NPLOC4: variants seen among roughly 807,000 people sequenced by gnomAD.
NPLOC4 encodes nuclear protein localization protein 4 homolog.
A neutral mutation model predicts 80.6 loss-of-function variants in NPLOC4; 18 were observed. The ratio of observed to expected loss-of-function variants is 0.22; its 90% CI spans 0.15 to 0.33. The LOEUF is 0.33. NPLOC4 is among the 10% of genes least tolerant of loss of function. The pLI is 1.00. For missense variants in NPLOC4, 540 were observed against 786.1 expected (o/e 0.69, Z 3.74); for synonymous variants, 313 against 301.5 (o/e 1.04, Z -0.39).
chr17:81,608,428 T>G (rs1005868480), intron 6 of NPLOC4, among the ~76,000 whole-genome samples: 1 of 152,138 alleles, frequency 6.6e-6, no homozygotes, highest in Non-Finnish European at 1.5e-5. Context: ...AGAACCAGGT[T>G]GGCCAGGCGA....
At chr17:81,617,940 G>T (rs2144276037) in intron 3 of NPLOC4, among the ~76,000 whole-genome samples, 1 of 152,316 alleles carries the variant, frequency 6.6e-6, no homozygotes, top group East Asian at 1.9e-4. Flanking sequence ...ATTGCAGACG[G>T]AGTCTCGTTC....
chr17:81,585,494 T>C (rs541863085), intron 12 of NPLOC4, among the ~76,000 whole-genome samples: 16 of 151,830 alleles, frequency 1.1e-4, no homozygotes, highest in African/African-American at 3.9e-4. Context: ...AAATCCAATC[T>C]CTACTAAAAA....
Position 81,569,053 on chromosome 17 carries a change from A to T in NPLOC4, c.1412T>A (p.Phe471Tyr), listed in dbSNP as rs765400142. Residue 471 changes from phenylalanine (F) to tyrosine (Y), a missense_variant, in exon 14 of 17, where the codon TTT becomes TAT. Transcript: ENST00000331134. ...VYTFSISQNP[F>Y]PIENRDVLGE... ...CAATACATCCCGGTTTTCAATAGGA[A>T]ATGGATTTTGCGAAATAGAAAAAGT... The T allele has an allele frequency of 1.2e-6, 2 of 1,613,292 alleles. No homozygotes were observed. Among genetic ancestry groups the T allele is most frequent in the Non-Finnish European group, 1.7e-6 (2 of 1,179,220 alleles).
intron 4 of NPLOC4, among the ~76,000 whole-genome samples, chr17:81,611,929 C>T (rs1287640957): frequency 6.9e-6 from 1 of 144,028 alleles, no homozygotes; most frequent in Non-Finnish European, 1.5e-5. Flanking sequence ...CACTGCACTC[C>T]AGCCTGGGTG....
intron 5 of NPLOC4, among the ~76,000 whole-genome samples, chr17:81,609,494 G>C (rs967790288): frequency 6.6e-6 from 1 of 151,958 alleles, no homozygotes; most frequent in African/African-American, 2.4e-5. Flanking sequence ...TTTTTGTAGA[G>C]ACAGGGTATA....
intron 11 of NPLOC4, among the ~76,000 whole-genome samples, chr17:81,589,525 C>T (rs1467418425): frequency 7.1e-6 from 1 of 141,434 alleles, no homozygotes; most frequent in Non-Finnish European, 1.6e-5. Context: ...GTGACAGACT[C>T]CATCTCAAAA....
chr17:81,572,183 A>AATTT lies in NPLOC4; in HGVS notation c.1282-99_1282-96dup, dbSNP rs1015671879. 8.7e-6 allele frequency: 5 copies of AATTT among 571,800 alleles called. No individual in the cohort carries two copies. The highest frequency in any genetic ancestry group is 4.0e-5 in the African/African-American group (2 of 49,860). 35.4% of individuals were successfully genotyped at this position (571,800 alleles called of 1,614,324 possible). ...TGTCTCACCTTTTATTTAATTAATT[A>AATTT]ATTTATTTATTTATTTATTTTTTGA... On this transcript the variant is annotated intron_variant, in intron 12 of 16. Transcript: ENST00000331134. The surrounding 1 kb of genome is among the most constrained non-coding windows in gnomAD (Gnocchi z 4.5).
At chr17:81,587,988 A>T (rs1236173882) in intron 12 of NPLOC4, 2 of 152,044 alleles carry the variant, frequency 1.3e-5, no homozygotes, top group East Asian at 3.9e-4. Context: ...AAAAGTTAAT[A>T]TAACTGTATC....
At chr17:81,626,412 C>T (rs1420322931) in intron 2 of NPLOC4, among the ~76,000 whole-genome samples, 1 of 152,094 alleles carries the variant, frequency 6.6e-6, no homozygotes, top group Admixed American at 6.6e-5. Context: ...AATAGCAACT[C>T]CAGGAAGTTC....
chr17:81,636,714 CT>C (rs1682799254), intron 1 of NPLOC4, among the ~76,000 whole-genome samples: 1 of 152,118 alleles, frequency 6.6e-6, no homozygotes, highest in Non-Finnish European at 1.5e-5. Flanking sequence ...CGTAAGTCCC[CT>C]GGGGAGGGAC....
intron 4 of NPLOC4, 176 bp downstream of exon 4, chr17:81,613,142 A>AAC: frequency 1.8e-6 from 1 of 549,092 alleles, no homozygotes; most frequent in South Asian, 4.8e-5. Context: ...AAAAAAAACA[A>AAC]AAACCGATAA....
In NPLOC4 at chr17:81,566,829, C is replaced by T. The variant is rs187823167; in HGVS notation, c.1566+588G>A. On this transcript the variant is annotated intron_variant, in intron 15 of 16. Transcript: ENST00000331134. Reference sequence around the variant, plus strand: ...AAAAAGCCAAAGTCGGACCCCTACACACGGCAAGAACCTCCTGGGGGCTGC... The same window carrying T: ...AAAAAGCCAAAGTCGGACCCCTACATACGGCAAGAACCTCCTGGGGGCTGC... The T allele has an allele frequency of 1.7e-3, 262 of 153,400 alleles. 1 individual carries two copies. Among genetic ancestry groups the T allele is most frequent in the Admixed American group, 2.7e-3 (42 of 15,508 alleles). 9.5% of individuals were successfully genotyped at this position (153,400 alleles called of 1,614,324 possible).
intron 12 of NPLOC4, among the ~76,000 whole-genome samples, chr17:81,585,805 G>A (rs2034569216): frequency 6.6e-6 from 1 of 151,884 alleles, no homozygotes. Context: ...TGGGCAACAT[G>A]GTGAAATCCT....
intron 5 of NPLOC4, 76 bp from the exon 6 acceptor site, chr17:81,608,898 A>G (rs560522783): frequency 4.3e-6 from 5 of 1,163,678 alleles, no homozygotes; most frequent in South Asian, 1.3e-5. Context: ...TGCTACGCAC[A>G]GGGGGAGGCC....
chr17:81,612,433 G>C (rs2035365871), intron 4 of NPLOC4, among the ~76,000 whole-genome samples: 2 of 152,188 alleles, frequency 1.3e-5, no homozygotes. Context: ...CAGGCCCCTG[G>C]GAGGAGACAC....
chr17:81,613,590 C>T (rs1204515010), intron 3 of NPLOC4, 96 bp from the exon 4 acceptor site: 5 of 1,050,518 alleles, frequency 4.8e-6, no homozygotes, highest in Non-Finnish European at 6.9e-6. Context: ...ATGCCAACCA[C>T]CCCTGTAGGC....
rs1423451829 is a variant in NPLOC4 at position 81,569,034 on chromosome 17, A to G, written c.1431T>C (p.Asp477=). ...AGCTCACCTGTGTCTCACCCAATAC[A>G]TCCCGGTTTTCAATAGGAAATGGAT... ...SQNPFPIENR[D]VLGETQDFHS... is the part of the protein sequence containing the mutation. The change falls in exon 14 of 17, where the codon GAT becomes GAC. Residue 477 remains aspartate (D), a synonymous_variant. Coordinates refer to ENST00000331134, the MANE Select transcript of NPLOC4 (RefSeq NM_017921.4). 1.6e-5 allele frequency: 26 copies of G among 1,609,074 alleles called. No individual in the cohort carries two copies. Among genetic ancestry groups the G allele is most frequent in the Non-Finnish European group, 2.2e-5 (26 of 1,175,498 alleles).
intron 11 of NPLOC4, among the ~76,000 whole-genome samples, chr17:81,595,400 C>T (rs912493248): frequency 6.9e-6 from 1 of 145,100 alleles, no homozygotes; most frequent in Non-Finnish European, 1.5e-5. Context: ...CGCCACTGCA[C>T]TCCAGCCTAA....
chr17:81,563,799 C>A, intron 16 of NPLOC4: 1 of 368,706 alleles, frequency 2.7e-6, no homozygotes, highest in Admixed American at 3.5e-5. Context: ...GAAATCATGT[C>A]CTTTGCAGCA....
Sources: gnomAD v4.1 joint callset for allele counts (sites outside exome capture counted in the v4.1 genomes callset) on GRCh38, gnomAD v4.1.1 for gene constraint, Gnocchi (gnomAD v3.1) non-coding constraint, MANE v1.5 for transcripts, NCBI Gene and HGNC (gene_info 2026-07-23, HGNC 2026-07-21) for gene names.